The following WIPI2 variants were observed in gnomAD, a reference collection of about 807,000 sequenced individuals.
WIPI2 encodes the protein WD repeat domain, phosphoinositide interacting 2.
Under a neutral mutation model 52.3 loss-of-function variants are expected in WIPI2, and 28 were observed. The observed-to-expected ratio is 0.54, with a 90% CI of 0.40 to 0.73. The LOEUF is 0.73. WIPI2 is among the 30% of genes least tolerant of loss of function. The pLI is 0.00. For synonymous variants in WIPI2, 268 were observed against 245.0 expected (o/e 1.09, Z -0.88); for missense variants, 506 against 602.9 (o/e 0.84, Z 1.68).
intron 3 of WIPI2, among the ~76,000 whole-genome samples, chr7:5,208,046 G>A (rs1036999402): frequency 2.0e-5 from 3 of 152,174 alleles, no homozygotes; most frequent in Non-Finnish European, 4.4e-5. Flanking sequence ...GATTACAGGC[G>A]TGAGCCACCA....
chr7:5,209,912 T>G (rs1782471176), intron 3 of WIPI2, among the ~76,000 whole-genome samples: 1 of 151,976 alleles, frequency 6.6e-6, no homozygotes, highest in Non-Finnish European at 1.5e-5. Context: ...TTTTGTTTTG[T>G]TTTTTTGGTT....
intron 3 of WIPI2, among the ~76,000 whole-genome samples, chr7:5,211,254 C>T (rs12536411): frequency 6.8e-4 from 104 of 152,238 alleles, no homozygotes; most frequent in African/African-American, 2.5e-3. Flanking sequence ...GGTGCATCAC[C>T]TGAGGTCAGG....
rs1481632629 is a variant in WIPI2 at position 5,232,168 on chromosome 7, T to C, written c.*1221T>C. The C allele has an allele frequency of 2.5e-6, 1 of 398,746 alleles. No individual in the cohort carries two copies. Among genetic ancestry groups the C allele is most frequent in the Non-Finnish European group, 4.4e-6 (1 of 226,084 alleles). The allele number at this position is 398,746 out of a possible 1,614,324, so 24.7% of individuals were successfully genotyped here. A position where few individuals can be genotyped will look rare whatever the true frequency, so the allele number is the denominator to read the frequency against. ...GCAGGAGAGATGGTTTTAGAATCTA[T>C]GGAGTGGTGGAAGTTACGGATAGAA... is the stretch of plus-strand genomic sequence containing the variant. On this transcript the variant is annotated 3_prime_UTR_variant, in exon 13 of 13. Coordinates refer to ENST00000288828, the MANE Select transcript of WIPI2 (RefSeq NM_015610.4).
chr7:5,196,906 G>T (rs1013909835), intron 2 of WIPI2, among the ~76,000 whole-genome samples: 1 of 151,926 alleles, frequency 6.6e-6, no homozygotes, highest in African/African-American at 2.4e-5. Context: ...AAGGTCAGGA[G>T]TTCAAGACCA....
intron 2 of WIPI2, among the ~76,000 whole-genome samples, chr7:5,197,319 A>T (rs764172943): frequency 9.9e-5 from 15 of 152,144 alleles, no homozygotes; most frequent in South Asian, 4.1e-4. Context: ...CCTGCTTAAA[A>T]TAGCAACCCT....
intron 11 of WIPI2, 64 bp downstream of exon 11, chr7:5,228,275 G>A: frequency 1.4e-6 from 2 of 1,430,042 alleles, no homozygotes; most frequent in Non-Finnish European, 9.4e-7. Flanking sequence ...CGGGGCACCT[G>A]GCGAACGTTT....
chr7:5,230,828 T>C lies in WIPI2; in HGVS notation c.1253-7T>C. On this transcript the variant is annotated splice_region_variant and splice_polypyrimidine_tract_variant and intron_variant, in intron 12 of 12. Coordinates refer to ENST00000288828, the MANE Select transcript of WIPI2 (RefSeq NM_015610.4). This position sits in a 1 kb window ranked among gnomAD's most constrained non-coding sequence, Gnocchi z 4.8. ...CTTTGAAGGGTGACTTCGTCGTCTCTTTGCAGCCTACACAGACGACCTGGG... is the reference window on the plus strand; with the variant it reads ...CTTTGAAGGGTGACTTCGTCGTCTCCTTGCAGCCTACACAGACGACCTGGG... 6.2e-7 allele frequency: 1 copy of C among 1,611,014 alleles called. No individual in the cohort carries two copies. The highest frequency in any genetic ancestry group is 1.1e-5 in the South Asian group (1 of 90,680).
chr7:5,198,459 G>A (rs1376999059), intron 2 of WIPI2, among the ~76,000 whole-genome samples: 5 of 151,992 alleles, frequency 3.3e-5, no homozygotes, highest in African/African-American at 7.3e-5. Context: ...GATTACAGGC[G>A]CCTTCCACCA....
chr7:5,192,741 A>G (rs1292742007), intron 1 of WIPI2, among the ~76,000 whole-genome samples: 1 of 152,268 alleles, frequency 6.6e-6, no homozygotes, highest in East Asian at 1.9e-4. Context: ...CTTGAAAGAA[A>G]TAGAGAAGTT....
At chr7:5,191,879 GA>G (rs1207131910) in intron 1 of WIPI2, among the ~76,000 whole-genome samples, 10 of 152,180 alleles carry the variant, frequency 6.6e-5, no homozygotes, top group Non-Finnish European at 1.5e-5. Flanking sequence ...CGCACAGTGG[GA>G]CTGTATTGAG....
chr7:5,198,209 CAG>C (rs1329238871), intron 2 of WIPI2, among the ~76,000 whole-genome samples: 1 of 152,202 alleles, frequency 6.6e-6, no homozygotes, highest in African/African-American at 2.4e-5. Flanking sequence ...TGGCACAGCA[CAG>C]GGGTGGAGCC....
intron 7 of WIPI2, among the ~76,000 whole-genome samples, chr7:5,219,408 A>G (rs1182599787): frequency 2.0e-5 from 3 of 152,044 alleles, no homozygotes; most frequent in Non-Finnish European, 4.4e-5. Context: ...AGCTCTTATA[A>G]AGGCCCAAAA....
intron 3 of WIPI2, among the ~76,000 whole-genome samples, chr7:5,203,514 C>G (rs935202873): frequency 1.1e-4 from 16 of 151,710 alleles, no homozygotes; most frequent in African/African-American, 3.9e-4. Flanking sequence ...GTCAGGCAAT[C>G]TCTAGGAGGG....
chr7:5,217,279 C>G (rs527698302), intron 6 of WIPI2, 92 bp downstream of exon 6: 4 of 1,305,892 alleles, frequency 3.1e-6, no homozygotes, highest in African/African-American at 1.5e-5. Flanking sequence ...TGACTTGGCT[C>G]AGCAATACAA....
chr7:5,224,446 C>T lies in WIPI2; in HGVS notation c.741-1377C>T, dbSNP rs545306154. ...ACCTTGCCCGCTGCCTAGGCAGAGC[C>T]GATTCATCAAGATGGGAATTGCAGT... is the stretch of plus-strand genomic sequence containing the variant. On this transcript the variant is annotated intron_variant, in intron 8 of 12. Coordinates refer to ENST00000288828, the MANE Select transcript of WIPI2 (RefSeq NM_015610.4). Among the ~76,000 whole-genome samples, 18 of 152,316 alleles carry T rather than the reference C, an allele frequency of 1.2e-4. No homozygotes were observed. The East Asian group carries it at 2.7e-3, about 23-fold the overall frequency.
Position 5,199,626 on chromosome 7 carries a change from C to T in WIPI2, c.179C>T (p.Ser60Phe), listed in dbSNP as rs1781927106. The change falls in exon 3 of 13, where the codon TCT becomes TTT. Residue 60 changes from serine (S) to phenylalanine (F), a missense_variant. Ser to Phe is a radical substitution (Grantham distance 155). Transcript: ENST00000288828. ...KSGYKFFSLS[S>F]VDKLEQIYEC... ...GGTTATAAATTTTTCTCCCTTTCTT[C>T]TGTGGATAAGCTGGAACAGATCTAT... The T allele has an allele frequency of 6.2e-7, 1 of 1,612,652 alleles. No individual in the cohort carries two copies. Among genetic ancestry groups the T allele is most frequent in the Non-Finnish European group, 8.5e-7 (1 of 1,179,824 alleles).
intron 1 of WIPI2, 56 bp downstream of exon 1, chr7:5,190,549 A>G: frequency 7.3e-7 from 1 of 1,371,996 alleles, no homozygotes; most frequent in Non-Finnish European, 9.6e-7. Flanking sequence ...GACCCGGGCT[A>G]GGGGGAGGGC....
At chr7:5,207,848 C>G (rs895498730) in intron 3 of WIPI2, among the ~76,000 whole-genome samples, 2 of 149,474 alleles carry the variant, frequency 1.3e-5, no homozygotes, top group Non-Finnish European at 3.0e-5. Context: ...TCACTGCAAC[C>G]TCCACCTCTG....
chr7:5,193,537 C>G (rs1189104067), intron 2 of WIPI2, among the ~76,000 whole-genome samples: 2 of 152,164 alleles, frequency 1.3e-5, no homozygotes, highest in Non-Finnish European at 2.9e-5. Flanking sequence ...GAAGGTACTG[C>G]TCTCCTCTCT....
Sources: gnomAD v4.1 joint callset for allele counts (sites outside exome capture counted in the v4.1 genomes callset) on GRCh38, gnomAD v4.1.1 for gene constraint, Gnocchi (gnomAD v3.1) non-coding constraint, MANE v1.5 for transcripts, NCBI Gene and HGNC (gene_info 2026-07-23, HGNC 2026-07-21) for gene names.